The following OR2L5 variants were observed in gnomAD, a reference collection of about 807,000 sequenced individuals.
The protein encoded by OR2L5 is olfactory receptor family 2 subfamily L member 5.
For missense variants in OR2L5, 413 were observed against 381.6 expected, an observed-to-expected ratio of 1.08 and a Z score of -0.69; for synonymous variants, 169 against 142.0, an observed-to-expected ratio of 1.19 and a Z score of -1.35.
intron 1 of OR2L5, among the ~76,000 whole-genome samples, chr1:248,017,080 C>G (rs182920964): frequency 2.6e-5 from 4 of 152,274 alleles, no homozygotes; most frequent in Non-Finnish European, 5.9e-5. Flanking sequence ...GTGAAACTAT[C>G]ATCGGAATCT....
At chr1:248,016,736 T>C (rs1290076035) in intron 1 of OR2L5, among the ~76,000 whole-genome samples, 2 of 151,894 alleles carry the variant, frequency 1.3e-5, no homozygotes, top group African/African-American at 4.8e-5. Flanking sequence ...GTAACATATA[T>C]ATTTATTTAT....
rs1376403025 is a variant in OR2L5 at position 248,022,348 on chromosome 1, G to A, written c.401G>A (p.Arg134His). The A allele has an allele frequency of 6.8e-6, 11 of 1,613,934 alleles. No homozygotes were observed. Among genetic ancestry groups the A allele is most frequent in the South Asian group, 6.6e-5 (6 of 91,072 alleles). Residue 134 changes from arginine (R) to histidine (H), a missense_variant, in exon 2 of 2, where the codon CGT becomes CAT. Physicochemically the swap from Arg to His is conservative, Grantham distance 29 (BLOSUM62 0). Transcript: ENST00000355281. Reference protein sequence around the residue: ...AICFPLHYPIRMSKRMYVLMI... With the variant: ...AICFPLHYPIHMSKRMYVLMI... ...TGCTTTCCTCTCCACTATCCCATCC[G>A]TATGAGCAAAAGAATGTATGTGCTG...
intron 1 of OR2L5, among the ~76,000 whole-genome samples, chr1:248,019,065 T>C (rs1307866212): frequency 6.6e-6 from 1 of 152,176 alleles, no homozygotes; most frequent in Non-Finnish European, 1.5e-5. Context: ...TGTTTCTGCC[T>C]TTGGGGTATT....
In OR2L5 at chr1:248,022,672, C is replaced by T. The variant is rs987012073; in HGVS notation, c.725C>T (p.Thr242Ile). The change falls in exon 2 of 2, where the codon ACC (threonine) becomes ATC (isoleucine). Residue 242 changes from threonine (T) to isoleucine (I), a missense_variant. By Grantham distance (89) the Thr-to-Ile change is moderately conservative. Coordinates refer to ENST00000355281, the MANE Select transcript of OR2L5 (RefSeq NM_001258284.2). ...GRKKAYSTCS[T>I]HLTVVTFYYA... ...AAAAAGGCCTATTCGACCTGCAGCA[C>T]CCACCTCACTGTAGTAACTTTCTAC... The T allele has an allele frequency of 1.2e-6, 2 of 1,614,084 alleles. No homozygotes were observed. Among genetic ancestry groups the T allele is most frequent in the South Asian group, 2.2e-5 (2 of 91,084 alleles).
intron 1 of OR2L5, among the ~76,000 whole-genome samples, chr1:248,015,030 G>A (rs11802312): frequency 0.076 from 11,608 of 152,106 alleles, 530 homozygotes; most frequent in East Asian, 0.15. Context: ...ACTTACCTAT[G>A]TATCTATCTA....
At chr1:248,017,050 T>G (rs1662216865) in intron 1 of OR2L5, among the ~76,000 whole-genome samples, 1 of 152,156 alleles carries the variant, frequency 6.6e-6, no homozygotes, top group African/African-American at 2.4e-5. Context: ...CGGGTTGAAG[T>G]TTTGCTTTTC....
At chr1:248,018,099 G>A (rs1341565552) in intron 1 of OR2L5, among the ~76,000 whole-genome samples, 1 of 148,020 alleles carries the variant, frequency 6.8e-6, no homozygotes, top group Non-Finnish European at 1.5e-5. Context: ...AGCTTGCAGT[G>A]AGCCGAGATC....
rs548685918 is a variant in OR2L5, at chr1:248,023,775, G to A, written c.*889G>A. On this transcript the variant is annotated 3_prime_UTR_variant, in exon 2 of 2. Coordinates refer to ENST00000355281, the MANE Select transcript of OR2L5 (RefSeq NM_001258284.2). ...TGAAAGGCCATGGCTCTCCACAAGAGCCCATTCCTGAGAAACGCTTTAGTC... is the reference window on the plus strand; with the variant it reads ...TGAAAGGCCATGGCTCTCCACAAGAACCCATTCCTGAGAAACGCTTTAGTC... 2.0e-5 allele frequency: 3 copies of A among 152,136 alleles called. No individual in the cohort carries two copies. Among genetic ancestry groups the A allele is most frequent in the Non-Finnish European group, 4.4e-5 (3 of 68,032 alleles). The allele number at this position is 152,136 out of a possible 1,614,324, so 9.4% of individuals were successfully genotyped here. A position where few individuals can be genotyped will look rare whatever the true frequency, so the allele number is the denominator to read the frequency against.
chr1:248,021,957 T>C lies in OR2L5; in HGVS notation c.10T>C (p.Tyr4His), dbSNP rs1662345692. The change falls in exon 2 of 2, where the codon TAC (tyrosine) becomes CAC (histidine). Residue 4 changes from tyrosine to histidine, a missense_variant. By Grantham distance (83) the Tyr-to-His change is moderately conservative (BLOSUM62 2). Transcript: ENST00000355281. ...ATCGTATGAATGCCCCATGGAAAATTACAATCAAACGTCAACTGATTTCAT... is the reference window on the plus strand; with the variant it reads ...ATCGTATGAATGCCCCATGGAAAATCACAATCAAACGTCAACTGATTTCAT... MEN[Y>H]NQTSTDFILL... 6.2e-7 allele frequency: 1 copy of C among 1,612,524 alleles called. No individual in the cohort carries two copies. Among genetic ancestry groups the C allele is most frequent in the Admixed American group, 1.7e-5 (1 of 59,942 alleles).
At chr1:248,020,267 G>A (rs1011276055) in intron 1 of OR2L5, among the ~76,000 whole-genome samples, 1 of 152,114 alleles carries the variant, frequency 6.6e-6, no homozygotes, top group Non-Finnish European at 1.5e-5. Flanking sequence ...ATCCAAATTG[G>A]TAATGAGGAA....
chr1:248,022,391 G>A lies in OR2L5; in HGVS notation c.444G>A (p.Trp148Ter). The A allele has an allele frequency of 1.9e-6, 3 of 1,614,156 alleles. No individual in the cohort carries two copies. Among genetic ancestry groups the A allele is most frequent in the Non-Finnish European group, 2.5e-6 (3 of 1,180,020 alleles). ...RMYVLMITGS[W>*]MIGSINSCAH... The stretch of plus-strand genomic sequence containing the variant: ...ATGTGCTGATGATAACAGGATCTTG[G>A]ATGATAGGCTCCATCAACTCTTGTG... Residue 148 changes from tryptophan (W) to a stop codon, truncating the protein, a stop_gained, in exon 2 of 2, where the codon TGG (tryptophan) becomes TGA (stop). Coordinates refer to ENST00000355281, the MANE Select transcript of OR2L5 (RefSeq NM_001258284.2). LOFTEE classifies it low-confidence loss of function (END_TRUNC).
chr1:248,020,073 G>T (rs73141304), intron 1 of OR2L5, among the ~76,000 whole-genome samples: 8 of 152,054 alleles, frequency 5.3e-5, no homozygotes, highest in East Asian at 1.9e-4. Flanking sequence ...GTGAACAAAC[G>T]CACCTGACCT....
intron 1 of OR2L5, among the ~76,000 whole-genome samples, chr1:248,017,790 T>C (rs562995361): frequency 2.2e-4 from 33 of 152,266 alleles, no homozygotes; most frequent in African/African-American, 7.2e-4. Context: ...CTGATTTGCT[T>C]CGTGATTCCG....
chr1:248,016,889 TGTC>T (rs1662213071), intron 1 of OR2L5, among the ~76,000 whole-genome samples: 1 of 152,150 alleles, frequency 6.6e-6, no homozygotes, highest in Non-Finnish European at 1.5e-5. Flanking sequence ...ATCTATAAAA[TGTC>T]GGTGGTGATG....
At chr1:248,014,937 C>T (rs909182099) in intron 1 of OR2L5, among the ~76,000 whole-genome samples, 1 of 152,176 alleles carries the variant, frequency 6.6e-6, no homozygotes, top group Non-Finnish European at 1.5e-5. Context: ...AGCACATCCT[C>T]ATCCCAAAAT....
chr1:248,015,238 G>C (rs1662164242), intron 1 of OR2L5, among the ~76,000 whole-genome samples: 1 of 152,162 alleles, frequency 6.6e-6, no homozygotes, highest in Non-Finnish European at 1.5e-5. Flanking sequence ...TCCTACGTCA[G>C]TTAAACACAA....
intron 1 of OR2L5, among the ~76,000 whole-genome samples, chr1:248,014,626 A>G (rs924468511): frequency 4.6e-5 from 7 of 152,288 alleles, no homozygotes; most frequent in Admixed American, 1.3e-4. Context: ...CAGTCATAGC[A>G]GATAACAAGT....
chr1:248,018,984 T>C (rs1414920899), intron 1 of OR2L5, among the ~76,000 whole-genome samples: 1 of 152,206 alleles, frequency 6.6e-6, no homozygotes, highest in Middle Eastern at 3.2e-3. Flanking sequence ...ATTTATTTCA[T>C]GATTAAAATG....
At position 248,022,735 on chromosome 1, in the gene OR2L5, C is replaced by T. The variant is rs746325958; in HGVS notation, c.788C>T (p.Ser263Phe). Reference sequence around the variant, plus strand: ...GCTTATACCTATCTATGTCCAAGATCCCTGCGATCTCTGACAGAGGACAAG... The same window carrying T: ...GCTTATACCTATCTATGTCCAAGATTCCTGCGATCTCTGACAGAGGACAAG... ...PFAYTYLCPRSLRSLTEDKVL... is the reference protein window; with the variant it reads ...PFAYTYLCPRFLRSLTEDKVL... The change falls in exon 2 of 2, where the codon TCC becomes TTC. Residue 263 changes from serine (S) to phenylalanine (F), a missense_variant. Ser to Phe is a radical substitution (Grantham distance 155). Coordinates refer to ENST00000355281, the MANE Select transcript of OR2L5 (RefSeq NM_001258284.2). The T allele has an allele frequency of 1.2e-6, 2 of 1,613,988 alleles. No homozygotes were observed.
Sources: allele counts gnomAD v4.1 joint callset (sites outside exome capture counted in the v4.1 genomes callset), GRCh38; gene constraint gnomAD v4.1.1; transcripts MANE v1.5; gene names NCBI Gene and HGNC (gene_info 2026-07-23, HGNC 2026-07-21).